ARK2N: variants seen among roughly 807,000 people sequenced by gnomAD.
The protein encoded by ARK2N is protein ARK2N.
chr18:46,174,167 C>T, the ARK2N span: 1 of 152,442 alleles, frequency 6.6e-6, no homozygotes. Context: ...TGACCGCGAC[C>T]CACTGCTCGC....
the ARK2N span, among the ~76,000 whole-genome samples, chr18:46,192,143 C>G: frequency 6.6e-6 from 1 of 152,112 alleles, no homozygotes; most frequent in Non-Finnish European, 1.5e-5. Context: ...GCATTTTTGA[C>G]TGAAAATCAT....
the ARK2N span, among the ~76,000 whole-genome samples, chr18:46,224,501 C>G: frequency 1.3e-5 from 2 of 152,174 alleles, no homozygotes; most frequent in African/African-American, 4.8e-5. Context: ...TTAAAATACT[C>G]AAGAATGTAG....
chr18:46,228,612 G>C, the ARK2N span: 1 of 390,746 alleles, frequency 2.6e-6, no homozygotes, highest in Admixed American at 4.4e-5. Context: ...GGGAGATAGG[G>C]TCTCACTCTG....
At chr18:46,255,791 T>G in the ARK2N span, among the ~76,000 whole-genome samples, 4 of 151,966 alleles carry the variant, frequency 2.6e-5, no homozygotes, top group Non-Finnish European at 5.9e-5. Context: ...CCTATTCCGG[T>G]GGGAAATAAT....
At chr18:46,258,075 C>A in the ARK2N span, among the ~76,000 whole-genome samples, 3 of 152,038 alleles carry the variant, frequency 2.0e-5, no homozygotes, top group Non-Finnish European at 4.4e-5. Context: ...TATAGGTGCA[C>A]GCCGCCATGC....
At chr18:46,219,840 A>G in the ARK2N span, among the ~76,000 whole-genome samples, 1 of 152,160 alleles carries the variant, frequency 6.6e-6, no homozygotes, top group Non-Finnish European at 1.5e-5. Flanking sequence ...TGATTAGAGT[A>G]TTACTGTTCA....
At chr18:46,232,811 T>C in the ARK2N span, 2 of 152,228 alleles carry the variant, frequency 1.3e-5, no homozygotes, top group African/African-American at 2.4e-5. Context: ...ATTCCTAATA[T>C]AACTTTAAGA....
the ARK2N span, among the ~76,000 whole-genome samples, chr18:46,188,289 C>T: frequency 6.6e-6 from 1 of 152,140 alleles, no homozygotes; most frequent in Admixed American, 6.5e-5. Context: ...CAACCTCTGC[C>T]TCCCGGGTTC....
At chr18:46,245,037 C>G in the ARK2N span, among the ~76,000 whole-genome samples, 6 of 151,908 alleles carry the variant, frequency 3.9e-5, no homozygotes, top group African/African-American at 1.2e-4. Flanking sequence ...TCAAGTGATT[C>G]TCCTGCCTCA....
the ARK2N span, among the ~76,000 whole-genome samples, chr18:46,228,133 G>A: frequency 6.6e-6 from 1 of 151,544 alleles, no homozygotes; most frequent in Non-Finnish European, 1.5e-5. Context: ...TCAACAGGAA[G>A]AGCATATTGG....
chr18:46,200,972 C>CTT, the ARK2N span, among the ~76,000 whole-genome samples: 1 of 125,914 alleles, frequency 7.9e-6, no homozygotes, highest in South Asian at 2.5e-4. Flanking sequence ...ACATCATTTT[C>CTT]TTTTTTCTTT....
At chr18:46,238,327 T>C in the ARK2N span, among the ~76,000 whole-genome samples, 1 of 152,318 alleles carries the variant, frequency 6.6e-6, no homozygotes, top group East Asian at 1.9e-4. Context: ...TAGTCAATAT[T>C]GTACTTGGCC....
the ARK2N span, among the ~76,000 whole-genome samples, chr18:46,186,498 A>ATTTT: frequency 2.8e-4 from 23 of 81,874 alleles, no homozygotes; most frequent in African/African-American, 9.1e-4. Context: ...CCAACTGGTG[A>ATTTT]TTTTTTTTTT....
chr18:46,189,228 A>G, the ARK2N span, among the ~76,000 whole-genome samples: 1 of 151,550 alleles, frequency 6.6e-6, no homozygotes, highest in East Asian at 1.9e-4. Context: ...AAAAAAAAAA[A>G]AAAAAAAAAA....
chr18:46,249,055 C>A, the ARK2N span, among the ~76,000 whole-genome samples: 1 of 152,166 alleles, frequency 6.6e-6, no homozygotes, highest in African/African-American at 2.4e-5. Flanking sequence ...GTTGTACTTA[C>A]CTGGCAGAGT....
chr18:46,241,945 T>C, the ARK2N span, among the ~76,000 whole-genome samples: 3,676 of 151,800 alleles, frequency 0.024, 56 homozygotes, highest in Non-Finnish European at 0.036. Context: ...GGCTCCTGAG[T>C]AGCTGGGATT....
the ARK2N span, among the ~76,000 whole-genome samples, chr18:46,221,521 C>T: frequency 1.7e-4 from 25 of 147,540 alleles, no homozygotes; most frequent in Non-Finnish European, 2.8e-4. Flanking sequence ...GGTCATGCCA[C>T]TGCACTCCAG....
the ARK2N span, among the ~76,000 whole-genome samples, chr18:46,204,929 C>CTTTTTTTTTA: frequency 6.9e-6 from 1 of 145,612 alleles, no homozygotes; most frequent in Non-Finnish European, 1.5e-5. Context: ...TTTCTTTTTT[C>CTTTTTTTTTA]TTTTTTTTTT....
At chr18:46,240,100 C>T in the ARK2N span, 1 of 1,614,142 alleles carries the variant, frequency 6.2e-7, no homozygotes, top group African/African-American at 1.3e-5. Context: ...TGCAGTAGTT[C>T]AAGAGCACAG....
Sources: gnomAD v4.1 joint callset for allele counts (sites outside exome capture counted in the v4.1 genomes callset) on GRCh38, gnomAD v4.1.1 for gene constraint, MANE v1.5 for transcripts, NCBI Gene and HGNC (gene_info 2026-07-23, HGNC 2026-07-21) for gene names.